The following HEMK2 variants were observed in gnomAD, a reference collection of about 807,000 sequenced individuals.
HEMK2 encodes the protein methyltransferase HEMK2.
the HEMK2 span, among the ~76,000 whole-genome samples, chr21:28,827,065 C>T: frequency 6.6e-6 from 1 of 152,102 alleles, no homozygotes; most frequent in Non-Finnish European, 1.5e-5. Flanking sequence ...GGAATTTGCC[C>T]ATCCATTCAA....
chr21:28,641,297 G>A, the HEMK2 span, among the ~76,000 whole-genome samples: 1 of 152,186 alleles, frequency 6.6e-6, no homozygotes, highest in African/African-American at 2.4e-5. Flanking sequence ...AATGGAAGGT[G>A]ATGTTTTGAA....
At chr21:28,655,081 A>G in the HEMK2 span, among the ~76,000 whole-genome samples, 1 of 152,238 alleles carries the variant, frequency 6.6e-6, no homozygotes, top group East Asian at 1.9e-4. Flanking sequence ...ATAGATGGGT[A>G]TTATAGAAAA....
the HEMK2 span, among the ~76,000 whole-genome samples, chr21:28,744,714 T>C: frequency 6.6e-6 from 1 of 152,228 alleles, no homozygotes; most frequent in East Asian, 1.9e-4. Context: ...TAATCACCTT[T>C]TCAAACTCTT....
chr21:28,775,969 GGT>G, the HEMK2 span, among the ~76,000 whole-genome samples: 1 of 147,922 alleles, frequency 6.8e-6, no homozygotes, highest in African/African-American at 2.6e-5. Flanking sequence ...GAGAGGTGAG[GGT>G]AAAAAAAAAA....
chr21:28,613,073 G>GCGA, the HEMK2 span, among the ~76,000 whole-genome samples: 1 of 150,642 alleles, frequency 6.6e-6, no homozygotes, highest in African/African-American at 2.5e-5. Flanking sequence ...ATGAAGAAAT[G>GCGA]TGATAGATAG....
At chr21:28,735,885 T>A in the HEMK2 span, among the ~76,000 whole-genome samples, 1 of 152,186 alleles carries the variant, frequency 6.6e-6, no homozygotes, top group Non-Finnish European at 1.5e-5. Flanking sequence ...CCAACCACAG[T>A]GAAGGCAAGG....
At chr21:28,613,729 G>A in the HEMK2 span, among the ~76,000 whole-genome samples, 1 of 136,728 alleles carries the variant, frequency 7.3e-6, no homozygotes, top group South Asian at 2.3e-4. Flanking sequence ...AGCTTAATGT[G>A]TCACATTTCC....
chr21:28,860,627 A>G, the HEMK2 span, among the ~76,000 whole-genome samples: 1 of 152,146 alleles, frequency 6.6e-6, no homozygotes, highest in Non-Finnish European at 1.5e-5. Flanking sequence ...AAATCTGCTA[A>G]GATTGCCCTG....
the HEMK2 span, among the ~76,000 whole-genome samples, chr21:28,641,207 C>T: frequency 6.6e-5 from 10 of 152,120 alleles, no homozygotes; most frequent in African/African-American, 2.4e-4. Context: ...AAAGTCTAAA[C>T]TCTCCTTCAA....
chr21:28,858,821 C>A, the HEMK2 span, among the ~76,000 whole-genome samples: 17 of 152,238 alleles, frequency 1.1e-4, 1 homozygote, highest in African/African-American at 4.1e-4. Context: ...ACCACTGACT[C>A]CAGCCTGGGT....
chr21:28,578,631 T>G, the HEMK2 span, among the ~76,000 whole-genome samples: 1 of 152,182 alleles, frequency 6.6e-6, no homozygotes, highest in African/African-American at 2.4e-5. Flanking sequence ...TTGGCTCATT[T>G]GAATTATCAT....
At chr21:28,780,719 G>A in the HEMK2 span, among the ~76,000 whole-genome samples, 1 of 152,234 alleles carries the variant, frequency 6.6e-6, no homozygotes, top group South Asian at 2.1e-4. Context: ...ATGAAATAAA[G>A]TTGTTCAAAT....
chr21:28,695,881 C>G, the HEMK2 span, among the ~76,000 whole-genome samples: 2 of 152,124 alleles, frequency 1.3e-5, no homozygotes, highest in Non-Finnish European at 2.9e-5. Flanking sequence ...CCTGTAAAAT[C>G]AAAAGCAAGT....
chr21:28,806,312 C>T, the HEMK2 span, among the ~76,000 whole-genome samples: 1 of 152,174 alleles, frequency 6.6e-6, no homozygotes, highest in African/African-American at 2.4e-5. Flanking sequence ...ATTTAATATG[C>T]TGGTTCATGT....
the HEMK2 span, among the ~76,000 whole-genome samples, chr21:28,860,009 G>C: frequency 6.6e-6 from 1 of 152,202 alleles, no homozygotes; most frequent in Non-Finnish European, 1.5e-5. Context: ...TGAAGATAAT[G>C]CATGATCTCA....
the HEMK2 span, among the ~76,000 whole-genome samples, chr21:28,833,789 G>C: frequency 6.6e-6 from 1 of 152,174 alleles, no homozygotes; most frequent in Non-Finnish European, 1.5e-5. Flanking sequence ...CATTTGCAGT[G>C]AGTCACTAAA....
the HEMK2 span, among the ~76,000 whole-genome samples, chr21:28,695,645 C>T: frequency 3.9e-5 from 6 of 151,998 alleles, no homozygotes; most frequent in South Asian, 2.1e-4. Context: ...ACCCTTGACA[C>T]GTGGGGATTA....
the HEMK2 span, among the ~76,000 whole-genome samples, chr21:28,838,366 C>T: frequency 6.6e-6 from 1 of 151,654 alleles, no homozygotes; most frequent in African/African-American, 2.4e-5. Context: ...AACCCCGTCT[C>T]TACTAAAAAT....
chr21:28,727,937 T>C, the HEMK2 span, among the ~76,000 whole-genome samples: 2 of 152,188 alleles, frequency 1.3e-5, no homozygotes, highest in African/African-American at 2.4e-5. Flanking sequence ...TGCATACACA[T>C]AATAATCTGA....
Sources: gnomAD v4.1 joint callset for allele counts (sites outside exome capture counted in the v4.1 genomes callset) on GRCh38, gnomAD v4.1.1 for gene constraint, MANE v1.5 for transcripts, NCBI Gene and HGNC (gene_info 2026-07-23, HGNC 2026-07-21) for gene names.